ARHGAP6: variants seen among roughly 807,000 people sequenced by gnomAD.
ARHGAP6 encodes the protein Rho GTPase activating protein 6.
A neutral mutation model predicts 55.7 loss-of-function variants in ARHGAP6; 16 were observed. The ratio of observed to expected loss-of-function variants is 0.29; its 90% CI spans 0.19 to 0.44. The LOEUF (loss-of-function observed/expected upper bound fraction) is 0.44. ARHGAP6 is among the 20% of genes least tolerant of loss of function. ARHGAP6 has a pLI of 1.00. For synonymous variants in ARHGAP6, 382 were observed against 360.9 expected (o/e 1.06, Z -0.66); for missense variants, 698 against 808.9 (o/e 0.86, Z 1.66).
At chrX:11,284,865 C>T (rs770005851) in intron 1 of ARHGAP6, among the ~76,000 whole-genome samples, 20 of 111,473 alleles carry the variant, frequency 1.8e-4, no homozygotes, top group Non-Finnish European at 3.6e-4. Flanking sequence ...CAGGAACATC[C>T]GTATCCTCCA....
At chrX:11,519,596 G>C (rs2050890680) in intron 1 of ARHGAP6, among the ~76,000 whole-genome samples, 1 of 110,545 alleles carries the variant, frequency 9.0e-6, no homozygotes, top group African/African-American at 3.3e-5. Context: ...ATACTACAAG[G>C]CTACAGTAAC....
At chrX:11,258,631 G>C (rs1410637496) in intron 1 of ARHGAP6, among the ~76,000 whole-genome samples, 2 of 111,559 alleles carry the variant, frequency 1.8e-5, no homozygotes, top group Non-Finnish European at 3.8e-5. Context: ...GTTTACAAAT[G>C]ACTACAGTTA....
intron 1 of ARHGAP6, among the ~76,000 whole-genome samples, chrX:11,395,568 G>T (rs2049467236): frequency 8.9e-6 from 1 of 112,009 alleles, no homozygotes; most frequent in Admixed American, 9.5e-5. Context: ...GCACACAACT[G>T]GTTCTCCAGC....
At chrX:11,481,038 T>A (rs959323895) in intron 1 of ARHGAP6, among the ~76,000 whole-genome samples, 2 of 112,272 alleles carry the variant, frequency 1.8e-5, no homozygotes, top group African/African-American at 6.5e-5. Flanking sequence ...AAAAAAATCA[T>A]CCTAAAATAT....
chrX:11,647,857 AC>A (rs1165274451), intron 1 of ARHGAP6, among the ~76,000 whole-genome samples: 4 of 112,144 alleles, frequency 3.6e-5, no homozygotes, highest in African/African-American at 1.3e-4. Context: ...TCTACAAAAT[AC>A]CTGACCAATA....
At chrX:11,413,129 C>T (rs996867161) in intron 1 of ARHGAP6, among the ~76,000 whole-genome samples, 1 of 112,081 alleles carries the variant, frequency 8.9e-6, no homozygotes, top group African/African-American at 3.2e-5. Context: ...TGTTCTGTGC[C>T]CCGACCTACT....
At chrX:11,364,371 A>G (rs1027761323) in intron 1 of ARHGAP6, among the ~76,000 whole-genome samples, 4 of 111,159 alleles carry the variant, frequency 3.6e-5, no homozygotes, top group African/African-American at 9.8e-5. Flanking sequence ...AAAAAAAAAA[A>G]AAAGAAATTA....
chrX:11,433,296 G>A (rs1043728715), intron 1 of ARHGAP6, among the ~76,000 whole-genome samples: 2 of 112,313 alleles, frequency 1.8e-5, no homozygotes, highest in African/African-American at 3.2e-5. Context: ...GAAAACAAGT[G>A]AGGAAGGGTG....
At chrX:11,326,593 T>A (rs1234600957) in intron 1 of ARHGAP6, among the ~76,000 whole-genome samples, 3 of 111,953 alleles carry the variant, frequency 2.7e-5, no homozygotes, top group Non-Finnish European at 5.6e-5. Context: ...CTTGACATGC[T>A]AAGAAAAACC....
At chrX:11,427,616 C>G in intron 1 of ARHGAP6, 1 of 885,301 alleles carries the variant, frequency 1.1e-6, no homozygotes, top group Non-Finnish European at 1.4e-6. Context: ...GGAGGAGTGG[C>G]GCGCCTTGGG....
chrX:11,347,632 A>G (rs1194746939), intron 1 of ARHGAP6, among the ~76,000 whole-genome samples: 1 of 112,269 alleles, frequency 8.9e-6, no homozygotes, highest in African/African-American at 3.2e-5. Context: ...ATATAGCAAT[A>G]TCATTCCAAT....
At chrX:11,404,878 A>T (rs1325964551) in intron 1 of ARHGAP6, among the ~76,000 whole-genome samples, 1 of 111,804 alleles carries the variant, frequency 8.9e-6, no homozygotes, top group Non-Finnish European at 1.9e-5. Context: ...TCTCTAATGG[A>T]GACATTTTCA....
At chrX:11,296,739 C>A in intron 1 of ARHGAP6, 2 of 1,156,654 alleles carry the variant, frequency 1.7e-6, no homozygotes, top group Admixed American at 2.2e-5. Context: ...TCTCTCCCTT[C>A]CTCTCTCTTT....
chrX:11,223,779 C>T (rs1411562744), intron 2 of ARHGAP6, among the ~76,000 whole-genome samples: 1 of 111,311 alleles, frequency 9.0e-6, no homozygotes, highest in Non-Finnish European at 1.9e-5. Flanking sequence ...ATTCTTGAAC[C>T]TACTTATGAG....
chrX:11,162,830 T>G (rs765599091), intron 9 of ARHGAP6, among the ~76,000 whole-genome samples: 3 of 112,224 alleles, frequency 2.7e-5, no homozygotes, highest in Admixed American at 9.5e-5. Context: ...AAGCTATTTT[T>G]CTTATCAATA....
chrX:11,227,793 CTTTTTTCTTTTT>C (rs2047072635), intron 2 of ARHGAP6, among the ~76,000 whole-genome samples: 2 of 108,206 alleles, frequency 1.8e-5, no homozygotes, highest in African/African-American at 6.8e-5. Flanking sequence ...CTTTCTTTTT[CTTTTTTCTTTTT>C]TTTTTTTTGA....
intron 1 of ARHGAP6, among the ~76,000 whole-genome samples, chrX:11,352,261 C>A (rs1017534249): frequency 2.7e-5 from 3 of 111,834 alleles, no homozygotes; most frequent in Admixed American, 1.9e-4. Context: ...AGACAGCTAA[C>A]AATGCAACAG....
intron 2 of ARHGAP6, among the ~76,000 whole-genome samples, chrX:11,241,859 T>C (rs1434563779): frequency 3.6e-5 from 4 of 111,560 alleles, no homozygotes; most frequent in African/African-American, 1.3e-4. Context: ...AAATGTTTTA[T>C]GGTATTCTTA....
chrX:11,486,344 T>G (rs1231760543), intron 1 of ARHGAP6, among the ~76,000 whole-genome samples: 1 of 112,031 alleles, frequency 8.9e-6, no homozygotes, highest in African/African-American at 3.2e-5. Flanking sequence ...ATGTAGAAAC[T>G]TTAGCTCTCT....
Sources: gnomAD v4.1 joint callset for allele counts (sites outside exome capture counted in the v4.1 genomes callset) on GRCh38, gnomAD v4.1.1 for gene constraint, MANE v1.5 for transcripts, NCBI Gene and HGNC (gene_info 2026-07-23, HGNC 2026-07-21) for gene names.